ADGRL2: variants seen among roughly 807,000 people sequenced by gnomAD.
The protein encoded by ADGRL2 is adhesion G protein-coupled receptor L2.
ADGRL2 carries 44 observed loss-of-function variants against 157.4 expected under a neutral mutation model. That is an observed-to-expected ratio of 0.28 (90% CI 0.22 to 0.36). The LOEUF is 0.36. Ranked by LOEUF, ADGRL2 falls within the 10% of genes least tolerant of loss-of-function variation. The pLI is 1.00. For missense variants in ADGRL2, 1,510 were observed against 1,768.9 expected (o/e 0.85, Z 2.63); for synonymous variants, 585 against 624.7 (o/e 0.94, Z 0.95).
intron 2 of ADGRL2, among the ~76,000 whole-genome samples, chr1:81,871,134 T>C (rs2093683316): frequency 7.4e-6 from 1 of 134,648 alleles, no homozygotes. Context: ...CCATCCTGTG[T>C]CCAAGTGTTC....
At chr1:81,369,618 G>A (rs79201576) in intron 1 of ADGRL2, among the ~76,000 whole-genome samples, 2,428 of 152,138 alleles carry the variant, frequency 0.016, 62 homozygotes, top group African/African-American at 0.055. Context: ...ATTCTGAAGC[G>A]ACTGGCTCAT....
In ADGRL2 at chr1:81,478,599, A is replaced by G. The variant is rs150073155; in HGVS notation, c.-248+33510A>G. Among the ~76,000 whole-genome samples, 8 of 152,292 alleles carry G rather than the reference A, an allele frequency of 5.3e-5. No homozygotes were observed. The South Asian group carries it at 8.3e-4, about 16-fold the overall frequency. ...GTCGCTGGTGTTTAAGCCTTAAGCA[A>G]TTCCCAGCAAATACATTCAAGGCTC... On this transcript the variant is annotated intron_variant, in intron 2 of 24. Coordinates refer to the ADGRL2 transcript ENST00000370721.
chr1:81,627,345 C>T (rs937153702), intron 3 of ADGRL2, among the ~76,000 whole-genome samples: 1 of 152,060 alleles, frequency 6.6e-6, no homozygotes, highest in Admixed American at 6.6e-5. Flanking sequence ...AGTTGTGCAG[C>T]GTCAACTCTT....
At chr1:81,969,054 A>G in intron 14 of ADGRL2, 124 bp from the exon 15 acceptor site, 1 of 679,932 alleles carries the variant, frequency 1.5e-6, no homozygotes, top group Admixed American at 2.7e-5. Flanking sequence ...TTTTTTGAAC[A>G]CATATGAATA....
At chr1:81,877,314 G>C (rs1027869198) in intron 2 of ADGRL2, among the ~76,000 whole-genome samples, 1 of 152,012 alleles carries the variant, frequency 6.6e-6, no homozygotes. Context: ...TAGCTCTTCT[G>C]TTCATGACCT....
chr1:81,795,646 T>C (rs2087549196), upstream of ADGRL2, among the ~76,000 whole-genome samples: 1 of 152,216 alleles, frequency 6.6e-6, no homozygotes, highest in African/African-American at 2.4e-5. Flanking sequence ...AGTTTTGCCA[T>C]ACTACAGTGA....
intron 2 of ADGRL2, among the ~76,000 whole-genome samples, chr1:81,483,825 C>T (rs1210643955): frequency 6.6e-6 from 1 of 152,160 alleles, no homozygotes; most frequent in African/African-American, 2.4e-5. Context: ...ATATGTTTAA[C>T]AATTATAACA....
chr1:81,622,024 C>G (rs1233455031), intron 3 of ADGRL2, among the ~76,000 whole-genome samples: 1 of 152,166 alleles, frequency 6.6e-6, no homozygotes, highest in Non-Finnish European at 1.5e-5. Flanking sequence ...GAAGTCCTAT[C>G]CAATTCCAAA....
intron 2 of ADGRL2, among the ~76,000 whole-genome samples, chr1:81,893,934 T>G (rs1185882569): frequency 1.3e-5 from 2 of 152,194 alleles, no homozygotes; most frequent in Non-Finnish European, 2.9e-5. Flanking sequence ...ATGGTAACAC[T>G]GAAACCAACC....
intron 23 of ADGRL2, chr1:81,990,118 T>C (rs1202404714): frequency 1.0e-6 from 1 of 985,222 alleles, no homozygotes; most frequent in East Asian, 1.1e-4. Context: ...CAAAATCAAT[T>C]AATCAGTACT....
At chr1:81,924,838 T>G (rs1247165926) in intron 3 of ADGRL2, among the ~76,000 whole-genome samples, 2 of 152,068 alleles carry the variant, frequency 1.3e-5, no homozygotes, top group African/African-American at 4.8e-5. Context: ...TAAGTAAAAT[T>G]TTTCATGTCA....
intron 2 of ADGRL2, among the ~76,000 whole-genome samples, chr1:81,891,395 C>A (rs1158424609): frequency 6.6e-6 from 1 of 151,968 alleles, no homozygotes; most frequent in Non-Finnish European, 1.5e-5. Flanking sequence ...GTTGTTCTTG[C>A]AAATGGGATT....
At chr1:81,685,063 T>A (rs115758197) in intron 3 of ADGRL2, among the ~76,000 whole-genome samples, 1,582 of 152,284 alleles carry the variant, frequency 0.01, 14 homozygotes, top group South Asian at 0.019. Flanking sequence ...TGAAATCAGG[T>A]TGTGTGATGC....
chr1:81,469,865 G>A (rs1174495479), intron 2 of ADGRL2, among the ~76,000 whole-genome samples: 1 of 152,112 alleles, frequency 6.6e-6, no homozygotes, highest in Non-Finnish European at 1.5e-5. Context: ...CACATCCTAT[G>A]CAATTCAGCT....
chr1:81,717,933 C>T (rs2084169949), intron 1 of ADGRL2, among the ~76,000 whole-genome samples: 1 of 152,178 alleles, frequency 6.6e-6, no homozygotes. Flanking sequence ...TACATGTCAT[C>T]ACAAATTACA....
intron 1 of ADGRL2, among the ~76,000 whole-genome samples, chr1:81,760,966 A>G (rs899381515): frequency 1.3e-5 from 2 of 151,930 alleles, no homozygotes; most frequent in Admixed American, 1.3e-4. Context: ...ACAAAATTTG[A>G]CTTCCATATT....
intron 2 of ADGRL2, among the ~76,000 whole-genome samples, chr1:81,472,763 T>TTCCCTA (rs2078198306): frequency 2.0e-5 from 3 of 152,236 alleles, no homozygotes; most frequent in Admixed American, 6.5e-5. Context: ...AATGGCACCA[T>TTCCCTA]AATGAAATTT....
At chr1:81,970,634 A>G in intron 16 of ADGRL2, 100 bp downstream of exon 16, 2 of 831,484 alleles carry the variant, frequency 2.4e-6, no homozygotes, top group Non-Finnish European at 3.8e-6. Flanking sequence ...ATAGCATCTG[A>G]AAGCTTTATT....
intron 3 of ADGRL2, among the ~76,000 whole-genome samples, chr1:81,610,624 T>G (rs2081522674): frequency 6.6e-6 from 1 of 152,022 alleles, no homozygotes; most frequent in Admixed American, 6.6e-5. Context: ...CTCTGCTGAG[T>G]GAGGAGAACA....
Sources: gnomAD v4.1 joint callset for allele counts (sites outside exome capture counted in the v4.1 genomes callset) on GRCh38, gnomAD v4.1.1 for gene constraint, MANE v1.5 for transcripts, NCBI Gene and HGNC (gene_info 2026-07-23, HGNC 2026-07-21) for gene names.